The following DLG5 variants were observed in gnomAD, a reference collection of about 807,000 sequenced individuals.
The protein encoded by DLG5 is disks large homolog 5.
In DLG5, 48 loss-of-function variants were observed where a neutral mutation model predicts 189.8. The ratio of observed to expected loss-of-function variants is 0.25; its 90% confidence interval spans 0.20 to 0.32. The LOEUF (loss-of-function observed/expected upper bound fraction) is 0.32. DLG5 is among the 10% of genes least tolerant of loss of function. The pLI is 1.00. For synonymous variants in DLG5, 1,016 were observed against 1,054.1 expected (o/e 0.96, Z 0.70); for missense variants, 2,160 against 2,544.7 (o/e 0.85, Z 3.25).
intron 1 of DLG5, among the ~76,000 whole-genome samples, chr10:77,893,893 C>T (rs770175565): frequency 6.6e-6 from 1 of 152,192 alleles, no homozygotes; most frequent in Non-Finnish European, 1.5e-5. Context: ...TCCTCTTCTC[C>T]ACTCCCTACT....
chr10:77,853,555 T>C lies in DLG5; in HGVS notation c.681-18A>G, dbSNP rs756146402. ...GGAGTGTGCTGAAACACCCGGTACATGCTCAGTGAGCCCCAGCCAGCCCCT... is the reference window on the plus strand; with the variant it reads ...GGAGTGTGCTGAAACACCCGGTACACGCTCAGTGAGCCCCAGCCAGCCCCT... On this transcript the variant is annotated intron_variant, in intron 4 of 31. Transcript: ENST00000372391. The C allele has an allele frequency of 1.3e-6, 2 of 1,557,476 alleles. No individual in the cohort carries two copies. Among genetic ancestry groups the C allele is most frequent in the African/African-American group, 1.3e-5 (1 of 74,206 alleles).
rs1841668983 is a variant in DLG5 at position 77,809,781 on chromosome 10, AAAAGAC to A, written c.4464-57_4464-52del. ...CAACTGTGCACAAAGAGGAGGCACA[AAAAGAC>A]AAAGCAGTGGCCAATGCCCTAACCG... On this transcript the variant is annotated intron_variant, in intron 23 of 31. Coordinates refer to ENST00000372391, the MANE Select transcript of DLG5 (RefSeq NM_004747.4). 4 of 1,572,562 alleles carry A rather than the reference AAAAGAC, an allele frequency of 2.5e-6. No homozygotes were observed. In the East Asian group the frequency reaches 9.0e-5, roughly 35 times the overall value.
At chr10:77,811,306 C>G (rs1374613622) in intron 22 of DLG5, 72 bp from the exon 23 acceptor site, 21 of 1,548,740 alleles carry the variant, frequency 1.4e-5, no homozygotes, top group Non-Finnish European at 1.7e-6. Context: ...CCTGTGGCAA[C>G]TAGATCTGAG....
chr10:77,837,883 AC>A (rs1458652174), intron 7 of DLG5, among the ~76,000 whole-genome samples: 1 of 152,200 alleles, frequency 6.6e-6, no homozygotes, highest in Non-Finnish European at 1.5e-5. Flanking sequence ...CACTTGCCAG[AC>A]CCAGGCATGA....
At chr10:77,883,360 A>T (rs1845340428) in intron 1 of DLG5, among the ~76,000 whole-genome samples, 2 of 152,150 alleles carry the variant, frequency 1.3e-5, no homozygotes, top group Non-Finnish European at 2.9e-5. Flanking sequence ...GAGGCAGAGG[A>T]TTAAAGGAGG....
chr10:77,851,648 C>T lies in DLG5; in HGVS notation c.864+1706G>A, dbSNP rs192681577. On this transcript the variant is annotated intron_variant, in intron 5 of 31. Transcript: ENST00000372391. The stretch of plus-strand genomic sequence containing the variant: ...GGCACATAAAAAATACTTCTAATAG[C>T]TCCAAGTATATCCATCTTAGGGTCT... Among the ~76,000 whole-genome samples the T allele has an allele frequency of 9.8e-5, 15 of 152,344 alleles. No homozygotes were observed. The East Asian group carries it at 1.5e-3, about 16-fold the overall frequency.
In DLG5 at chr10:77,794,878, G is replaced by A. The variant is rs1240920041; in HGVS notation, c.5517C>T (p.Phe1839=). 3.7e-6 allele frequency: 6 copies of A among 1,613,994 alleles called. No individual in the cohort carries two copies. Among genetic ancestry groups the A allele is most frequent in the Non-Finnish European group, 4.2e-6 (5 of 1,180,018 alleles). Residue 1839 remains phenylalanine, a synonymous_variant, in exon 30 of 32, where the codon TTC becomes TTT. Coordinates refer to ENST00000372391, the MANE Select transcript of DLG5 (RefSeq NM_004747.4). ...TGTGCTTGGCGCTCTTGTAGTGGAT[G>A]AAGATGACAATGGGGTAGATGTGCA... ...HHMHIYPIVI[F]IHYKSAKHIK... is the part of the protein sequence containing the mutation.
At chr10:77,930,500 A>G (rs1030739184), upstream of DLG5, among the ~76,000 whole-genome samples, 16 of 151,364 alleles carry the variant, frequency 1.1e-4, no homozygotes, top group African/African-American at 3.9e-4. Flanking sequence ...GGTGCACACC[A>G]CCAAGCCCGG....
intron 24 of DLG5, 168 bp from the exon 25 acceptor site, chr10:77,808,112 G>T: frequency 1.2e-6 from 1 of 832,576 alleles, no homozygotes; most frequent in Non-Finnish European, 1.8e-6. Context: ...GGTCTCCCCA[G>T]TCTCCAGGTC....
chr10:77,915,620 G>C (rs79129748), intron 1 of DLG5, among the ~76,000 whole-genome samples: 101 of 152,300 alleles, frequency 6.6e-4, no homozygotes, highest in Middle Eastern at 3.4e-3. Context: ...GCACTGCCTG[G>C]ATGCATTTGA....
chr10:77,830,717 G>C, intron 10 of DLG5, 24 bp downstream of exon 10: 6 of 1,612,496 alleles, frequency 3.7e-6, no homozygotes, highest in East Asian at 2.2e-5. Flanking sequence ...GAGAAGGAGA[G>C]AAGAACCATC....
chr10:77,804,621 A>G (rs1841380669), intron 27 of DLG5, among the ~76,000 whole-genome samples: 1 of 152,220 alleles, frequency 6.6e-6, no homozygotes, highest in South Asian at 2.1e-4. Flanking sequence ...CACGTTCCTA[A>G]GGGCCTCTTG....
At chr10:77,806,483 G>C (rs1211296045) in intron 26 of DLG5, among the ~76,000 whole-genome samples, 1 of 152,142 alleles carries the variant, frequency 6.6e-6, no homozygotes, top group African/African-American at 2.4e-5. Flanking sequence ...ACACTTTGAG[G>C]GAGCGGCAAG....
At chr10:77,871,505 T>G (rs2154577126) in intron 1 of DLG5, among the ~76,000 whole-genome samples, 1 of 152,112 alleles carries the variant, frequency 6.6e-6, no homozygotes, top group African/African-American at 2.4e-5. Context: ...ATCTCTGCAT[T>G]TTTGTCTCAA....
chr10:77,819,622 C>T lies in DLG5; in HGVS notation c.3527-157G>A. 2.7e-6 allele frequency: 3 copies of T among 1,129,582 alleles called. No individual in the cohort carries two copies. In the South Asian group the frequency reaches 4.9e-5, roughly 18 times the overall value. 70.0% of individuals were successfully genotyped at this position (1,129,582 alleles called of 1,614,324 possible). A position where few individuals can be genotyped will look rare whatever the true frequency, so the allele number is the denominator to read the frequency against. On this transcript the variant is annotated intron_variant, in intron 16 of 31. Transcript: ENST00000372391. ...CCACCAATTCACAATGTGGCTGTGG[C>T]TCCTGGCCTGTCTCCATTTGTAAAA...
At chr10:77,866,892 C>A in intron 2 of DLG5, 1 of 437,850 alleles carries the variant, frequency 2.3e-6, no homozygotes, top group Non-Finnish European at 4.6e-6. Context: ...AGCAGAAGAG[C>A]AAGAGAAGCA....
At position 77,867,854 on chromosome 10, in the gene DLG5, AT is replaced by A. The variant is rs1466278826; in HGVS notation, c.373+1274del. 4.3e-5 allele frequency: 19 copies of A among 444,568 alleles called. 1 individual carries two copies. The highest frequency in any genetic ancestry group is 1.9e-4 in the South Asian group (12 of 62,606). The allele number at this position is 444,568 out of a possible 1,614,324, so 27.5% of individuals were successfully genotyped here. ...GTGAAATAGTCTTTACAGATGATCA[AT>A]TTAAGATGAGGTCTTGCTGCCGTAA... On this transcript the variant is annotated intron_variant, in intron 2 of 31. Coordinates refer to ENST00000372391, the MANE Select transcript of DLG5 (RefSeq NM_004747.4).
At chr10:77,808,897 C>G (rs1054370982) in intron 24 of DLG5, among the ~76,000 whole-genome samples, 1 of 152,100 alleles carries the variant, frequency 6.6e-6, no homozygotes, top group African/African-American at 2.4e-5. Context: ...GAGTTTGAGA[C>G]CAGCCTGGCC....
chr10:77,880,198 A>G (rs939390554), intron 1 of DLG5, among the ~76,000 whole-genome samples: 5 of 152,282 alleles, frequency 3.3e-5, no homozygotes, highest in Middle Eastern at 6.8e-3. Context: ...TCACACCTGT[A>G]ATCCTAGCAC....
Sources: gnomAD v4.1 joint callset for allele counts (sites outside exome capture counted in the v4.1 genomes callset) on GRCh38, gnomAD v4.1.1 for gene constraint, MANE v1.5 for transcripts, NCBI Gene and HGNC (gene_info 2026-07-23, HGNC 2026-07-21) for gene names.